Variants in LRRC4C observed in about 807,000 individuals in gnomAD.
LRRC4C encodes the protein leucine-rich repeat-containing protein 4C.
Under a neutral mutation model 33.6 loss-of-function variants are expected in LRRC4C, and 5 were observed. The observed-to-expected ratio is 0.15, with a 90% CI of 0.08 to 0.31. The LOEUF (loss-of-function observed/expected upper bound fraction) is 0.31, where lower values mean the gene tolerates loss of function less well. Among genes scored for constraint, LRRC4C ranks in the 10% least tolerant of loss-of-function variants. The pLI is 1.00. For missense variants in LRRC4C, 560 were observed against 796.7 expected (o/e 0.70, Z 3.58); for synonymous variants, 329 against 302.0 (o/e 1.09, Z -0.93).
intron 2 of LRRC4C, among the ~76,000 whole-genome samples, chr11:40,836,776 T>C (rs1278856170): frequency 6.6e-6 from 1 of 152,134 alleles, no homozygotes. Context: ...ACCTATCTCA[T>C]AGGGTGATTG....
chr11:41,027,765 T>C (rs1033155881), intron 1 of LRRC4C, among the ~76,000 whole-genome samples: 2 of 151,676 alleles, frequency 1.3e-5, no homozygotes, highest in South Asian at 2.1e-4. Flanking sequence ...CATGGAGTTT[T>C]TGAATTTGCT....
chr11:41,342,206 A>T (rs1243441508), intron 1 of LRRC4C, among the ~76,000 whole-genome samples: 1 of 151,858 alleles, frequency 6.6e-6, no homozygotes, highest in Non-Finnish European at 1.5e-5. Flanking sequence ...ACAACTATAC[A>T]CTCTGCTGTT....
chr11:40,934,780 C>G (rs987302746), intron 1 of LRRC4C, among the ~76,000 whole-genome samples: 2 of 152,134 alleles, frequency 1.3e-5, no homozygotes, highest in Non-Finnish European at 2.9e-5. Flanking sequence ...TATTTACACA[C>G]CTGGAATTGA....
chr11:40,250,037 C>A (rs751118783), intron 4 of LRRC4C, among the ~76,000 whole-genome samples: 2 of 150,162 alleles, frequency 1.3e-5, no homozygotes, highest in African/African-American at 4.9e-5. Flanking sequence ...TAGGTTAACT[C>A]TTTTCTTCAT....
At chr11:40,616,937 A>G (rs1443519449) in intron 3 of LRRC4C, among the ~76,000 whole-genome samples, 4 of 151,744 alleles carry the variant, frequency 2.6e-5, no homozygotes, top group Non-Finnish European at 5.9e-5. Flanking sequence ...AAAAAAAGAA[A>G]GAAAGAGAAT....
At chr11:40,482,997 A>C (rs1331852274) in intron 3 of LRRC4C, among the ~76,000 whole-genome samples, 1 of 152,182 alleles carries the variant, frequency 6.6e-6, no homozygotes, top group Non-Finnish European at 1.5e-5. Context: ...AATCTCAAGG[A>C]GGCTCACTCA....
At chr11:40,739,908 ATG>A (rs1026061696) in intron 2 of LRRC4C, among the ~76,000 whole-genome samples, 5 of 151,832 alleles carry the variant, frequency 3.3e-5, no homozygotes, top group African/African-American at 9.6e-5. Context: ...GTATGTATGT[ATG>A]TGTGTGTGTA....
At chr11:40,161,247 C>A (rs967243090) in intron 5 of LRRC4C, among the ~76,000 whole-genome samples, 40 of 152,130 alleles carry the variant, frequency 2.6e-4, no homozygotes, top group African/African-American at 9.6e-4. Context: ...AAATATTAAC[C>A]TTATTTCTCT....
At chr11:40,633,371 T>TCTCTCTC (rs1963658236) in intron 3 of LRRC4C, among the ~76,000 whole-genome samples, 4 of 96,310 alleles carry the variant, frequency 4.2e-5, no homozygotes, top group Admixed American at 1.3e-4. Flanking sequence ...CTTTCTTTCT[T>TCTCTCTC]TCTCTCTCTT....
At position 40,521,968 on chromosome 11, in the gene LRRC4C, T is replaced by G. The variant is rs185801211; in HGVS notation, c.-270+126174A>C. On this transcript the variant is annotated intron_variant, in intron 3 of 6. Transcript: ENST00000528697. ...CATTATGGTAAACATTTGCAGGAAG[T>G]TTAGGTTGGAACAGACAAAAAAGAT... Among the ~76,000 whole-genome samples the G allele has an allele frequency of 2.7e-4, 41 of 152,032 alleles. 1 individual carries two copies. The East Asian group carries it at 7.3e-3, about 27-fold the overall frequency.
At chr11:40,990,867 G>A (rs1280141372) in intron 1 of LRRC4C, among the ~76,000 whole-genome samples, 1 of 152,012 alleles carries the variant, frequency 6.6e-6, no homozygotes, top group East Asian at 1.9e-4. Context: ...TCTGTGTGAT[G>A]AAATGTAAAA....
chr11:40,725,287 A>G (rs772954996), intron 2 of LRRC4C, among the ~76,000 whole-genome samples: 15 of 152,176 alleles, frequency 9.9e-5, no homozygotes, highest in African/African-American at 2.4e-4. Flanking sequence ...CAGGTGGATC[A>G]CGAGGTCAGG....
At chr11:41,332,865 A>G (rs1466912942) in intron 1 of LRRC4C, among the ~76,000 whole-genome samples, 1 of 152,212 alleles carries the variant, frequency 6.6e-6, no homozygotes, top group Admixed American at 6.5e-5. Context: ...GGCATACTAC[A>G]TGAATAAAAA....
At chr11:41,216,051 G>A (rs1464725147) in intron 1 of LRRC4C, among the ~76,000 whole-genome samples, 1 of 152,112 alleles carries the variant, frequency 6.6e-6, no homozygotes, top group East Asian at 1.9e-4. Flanking sequence ...ACCTAATTTT[G>A]GCACACTGTA....
chr11:40,372,718 T>A (rs1288886596), intron 3 of LRRC4C, among the ~76,000 whole-genome samples: 1 of 152,116 alleles, frequency 6.6e-6, no homozygotes, highest in Admixed American at 6.5e-5. Context: ...AGAGAGAATA[T>A]ATGTTGTTAT....
intron 3 of LRRC4C, among the ~76,000 whole-genome samples, chr11:40,422,275 C>G (rs562988187): frequency 2.4e-4 from 36 of 152,180 alleles, no homozygotes; most frequent in African/African-American, 8.2e-4. Flanking sequence ...ATTGAAGAGA[C>G]AAGAGGTAGA....
At chr11:40,361,750 T>C (rs1463346080) in intron 3 of LRRC4C, among the ~76,000 whole-genome samples, 4 of 152,102 alleles carry the variant, frequency 2.6e-5, no homozygotes, top group African/African-American at 9.7e-5. Context: ...TTCACAGAAC[T>C]AGAAAAAACT....
chr11:40,160,312 T>G (rs1210822017), intron 5 of LRRC4C, among the ~76,000 whole-genome samples: 1 of 152,090 alleles, frequency 6.6e-6, no homozygotes. Flanking sequence ...CAACTGTCAG[T>G]GGGTTGTGAC....
At chr11:40,322,101 G>A (rs1945876091) in intron 3 of LRRC4C, among the ~76,000 whole-genome samples, 1 of 152,094 alleles carries the variant, frequency 6.6e-6, no homozygotes, top group African/African-American at 2.4e-5. Flanking sequence ...TTCACTAAAT[G>A]TTATACTGCA....
Sources: gnomAD v4.1 joint callset for allele counts (sites outside exome capture counted in the v4.1 genomes callset) on GRCh38, gnomAD v4.1.1 for gene constraint, MANE v1.5 for transcripts, NCBI Gene and HGNC (gene_info 2026-07-23, HGNC 2026-07-21) for gene names.